The following BCAS3 variants were observed in gnomAD, a reference collection of about 807,000 sequenced individuals.
The protein encoded by BCAS3 is BCAS4/BCAS3 fusion.
BCAS3 carries 53 observed loss-of-function variants against 116.1 expected under a neutral mutation model. The ratio of observed to expected loss-of-function variants is 0.46; its 90% CI spans 0.37 to 0.57. The LOEUF (loss-of-function observed/expected upper bound fraction) is 0.57, where lower values mean the gene tolerates loss of function less well. Ranked by LOEUF, BCAS3 falls within the 20% of genes least tolerant of loss-of-function variation. The probability of loss-of-function intolerance (pLI) is 0.00; values close to 1 mark genes in which losing one functional copy is unlikely to be tolerated. For synonymous variants in BCAS3, 391 were observed against 408.2 expected, an observed-to-expected ratio of 0.96 and a Z score of 0.51; for missense variants, 917 against 1,165.4, an observed-to-expected ratio of 0.79 and a Z score of 3.10.
rs1475733085 is a variant in BCAS3 at position 61,007,914 on chromosome 17, CA to C, written c.1487-7829del. 2.0e-5 allele frequency among the ~76,000 whole-genome samples: 3 copies of C among 151,692 alleles called. No homozygotes were observed. The highest frequency in any genetic ancestry group is 4.8e-5 in the African/African-American group (2 of 41,302). ...TTTTTACTTCACCATCGATTGCCTC[CA>C]AAAAAAAGTTATAGGCAAAATGAAT... is the stretch of plus-strand genomic sequence containing the variant. On this transcript the variant is annotated intron_variant, in intron 15 of 23. Coordinates refer to ENST00000407086, the MANE Select transcript of BCAS3 (RefSeq NM_017679.5). This position sits in a 1 kb window ranked among gnomAD's most constrained non-coding sequence, Gnocchi z 4.3.
rs200061290 is a variant in BCAS3, at chr17:61,392,109, C to G, written c.2726C>G (p.Pro909Arg). The change falls in exon 24 of 24, where the codon CCG becomes CGG. Residue 909 changes from proline (P) to arginine (R), a missense_variant. This residue lies in a region of BCAS3 where 109 missense variants were observed against 122.8 expected (regional missense o/e 0.89). Coordinates refer to ENST00000407086, the MANE Select transcript of BCAS3 (RefSeq NM_017679.5). This position sits in a 1 kb window ranked among gnomAD's most constrained non-coding sequence, Gnocchi z 6.4. ...GAGAGCCAGCCCCTCAGCCTCTTCC[C>G]GACTGGCTTCCCGTAGGTACCAGCA... ...TNESQPLSLF[P>R]TGFP 39 of 1,613,318 alleles carry G rather than the reference C, an allele frequency of 2.4e-5. No individual in the cohort carries two copies. The highest frequency in any genetic ancestry group is 1.8e-4 in the Admixed American group (11 of 59,970).
chr17:60,858,785 A>G (rs537777987), intron 7 of BCAS3, among the ~76,000 whole-genome samples: 14 of 152,178 alleles, frequency 9.2e-5, no homozygotes, highest in Admixed American at 2.6e-4. Context: ...TAGTCATTCT[A>G]TTGGGTGTAG....
chr17:61,142,342 A>G (rs548049765), intron 22 of BCAS3, among the ~76,000 whole-genome samples: 46 of 152,320 alleles, frequency 3.0e-4, no homozygotes, highest in African/African-American at 8.2e-4. Context: ...ATGCTAGATG[A>G]TGTGGCCCCA....
chr17:60,703,468 C>T (rs1478968232), intron 4 of BCAS3, among the ~76,000 whole-genome samples: 1 of 150,106 alleles, frequency 6.7e-6, no homozygotes, highest in African/African-American at 2.5e-5. Flanking sequence ...TATTCCCAGG[C>T]AGGAGATCGC....
chr17:61,090,935 G>T (rs957294030), intron 22 of BCAS3, among the ~76,000 whole-genome samples: 2 of 152,280 alleles, frequency 1.3e-5, no homozygotes, highest in Middle Eastern at 3.4e-3. Context: ...GATTACAGGC[G>T]TGAGCCACCG....
chr17:60,782,985 A>C (rs1347281242), intron 6 of BCAS3, among the ~76,000 whole-genome samples: 1 of 152,144 alleles, frequency 6.6e-6, no homozygotes, highest in Non-Finnish European at 1.5e-5. Context: ...TTGTGTACAT[A>C]AATATAGGTC....
intron 15 of BCAS3, chr17:61,002,719 A>T (rs1198202203): frequency 1.3e-5 from 2 of 152,114 alleles, no homozygotes; most frequent in East Asian, 3.9e-4. Context: ...TTTTAGTTAT[A>T]TCATTTGAGT....
intron 19 of BCAS3, among the ~76,000 whole-genome samples, chr17:61,067,320 T>TATATATAC (rs2070780399): frequency 7.2e-6 from 1 of 138,286 alleles, no homozygotes; most frequent in African/African-American, 2.7e-5. Context: ...TATATATTTA[T>TATATATAC]ACAGACTTGG....
intron 23 of BCAS3, among the ~76,000 whole-genome samples, chr17:61,375,029 T>C (rs185117265): frequency 4.6e-5 from 7 of 152,342 alleles, no homozygotes; most frequent in African/African-American, 1.7e-4. Context: ...CTAAAGCTCT[T>C]CCAAAGATTT....
chr17:60,740,521 AAG>A (rs2041444362), intron 5 of BCAS3, among the ~76,000 whole-genome samples: 1 of 151,588 alleles, frequency 6.6e-6, no homozygotes, highest in East Asian at 1.9e-4. Flanking sequence ...AAAAAGAAAA[AAG>A]AAAAAAAAGG....
At chr17:61,050,902 T>G (rs1456610637) in intron 19 of BCAS3, among the ~76,000 whole-genome samples, 1 of 151,964 alleles carries the variant, frequency 6.6e-6, no homozygotes, top group East Asian at 1.9e-4. Flanking sequence ...CCAGTAAATT[T>G]AAAAGGTTTC....
Position 60,823,298 on chromosome 17 carries a change from G to A in BCAS3, c.476+15222G>A, listed in dbSNP as rs2050114693. Among the ~76,000 whole-genome samples, 2 of 152,086 alleles carry A rather than the reference G, an allele frequency of 1.3e-5. 1 individual carries two copies. The highest frequency in any genetic ancestry group is 4.8e-5 in the African/African-American group (2 of 41,410). On this transcript the variant is annotated intron_variant, in intron 7 of 23. Transcript: ENST00000407086. ...AGTTGTTGTTTGATTTTACAGCAAG[G>A]GAATCGTGAGTCCCAGAAAGGTTGA... is the stretch of plus-strand genomic sequence containing the variant.
chr17:60,888,465 T>C (rs1034641669), intron 9 of BCAS3, among the ~76,000 whole-genome samples: 5 of 152,182 alleles, frequency 3.3e-5, no homozygotes, highest in African/African-American at 1.2e-4. Flanking sequence ...TCTCCAGCTC[T>C]GAAATTGTCA....
chr17:60,816,948 A>G (rs2049480167), intron 7 of BCAS3, among the ~76,000 whole-genome samples: 1 of 152,210 alleles, frequency 6.6e-6, no homozygotes, highest in Admixed American at 6.5e-5. Context: ...TTTTTGGAGC[A>G]GGTGCTATGT....
chr17:61,107,370 C>T (rs1186620819), intron 22 of BCAS3, among the ~76,000 whole-genome samples: 1 of 152,108 alleles, frequency 6.6e-6, no homozygotes, highest in Non-Finnish European at 1.5e-5. Flanking sequence ...CAGGCGTGAG[C>T]CACTGTGCCT....
chr17:61,046,044 TATA>T lies in BCAS3; in HGVS notation c.2029+5156_2029+5158del, dbSNP rs1163339821. Among the ~76,000 whole-genome samples the T allele has an allele frequency of 3.4e-4, 6 of 17,632 alleles. 1 individual carries two copies. Among genetic ancestry groups the T allele is most frequent in the Admixed American group, 1.2e-3 (1 of 822 alleles). 11.6% of individuals were successfully genotyped at this position (17,632 alleles called of 152,430 possible). On this transcript the variant is annotated intron_variant, in intron 19 of 23. Transcript: ENST00000407086. ...TATATTATATATATATTTATATATATATAATATATATATTATATATATATAATA... is the reference window on the plus strand; with the variant it reads ...TATATTATATATATATTTATATATATATATATATATTATATATATATAATA...
At chr17:61,295,061 A>G (rs149201375) in intron 22 of BCAS3, among the ~76,000 whole-genome samples, 29 of 152,364 alleles carry the variant, frequency 1.9e-4, no homozygotes, top group Middle Eastern at 6.8e-3. Context: ...CAAGCTGAGA[A>G]TCGCACCTTC....
At chr17:60,759,195 T>G (rs550142460) in intron 6 of BCAS3, among the ~76,000 whole-genome samples, 40 of 152,282 alleles carry the variant, frequency 2.6e-4, no homozygotes, top group African/African-American at 9.4e-4. Flanking sequence ...GCTGGAAGAT[T>G]TCAGTTTCTA....
intron 5 of BCAS3, among the ~76,000 whole-genome samples, chr17:60,715,858 T>C (rs1043481287): frequency 2.0e-5 from 3 of 151,864 alleles, no homozygotes; most frequent in African/African-American, 7.3e-5. Flanking sequence ...ATGAAGTTAT[T>C]TTTTATTTTA....
Sources: gnomAD v4.1 joint callset for allele counts (sites outside exome capture counted in the v4.1 genomes callset) on GRCh38, gnomAD v4.1.1 for gene constraint, gnomAD v4.1.1 regional missense constraint, Gnocchi (gnomAD v3.1) non-coding constraint, MANE v1.5 for transcripts, NCBI Gene and HGNC (gene_info 2026-07-23, HGNC 2026-07-21) for gene names.